Variants in FNDC3B observed in about 807,000 individuals in gnomAD.
FNDC3B encodes fibronectin type III domain-containing protein 3B.
FNDC3B carries 12 observed loss-of-function variants against 151.5 expected under a neutral mutation model. The observed-to-expected ratio is 0.08, with a 90% CI of 0.05 to 0.13. The LOEUF (loss-of-function observed/expected upper bound fraction) is 0.13. FNDC3B is among the 10% of genes least tolerant of loss of function. The pLI is 1.00. For synonymous variants in FNDC3B, 528 were observed against 549.0 expected, an observed-to-expected ratio of 0.96 and a Z score of 0.54; for missense variants, 1,214 against 1,505.3, an observed-to-expected ratio of 0.81 and a Z score of 3.20.
intron 23 of FNDC3B, among the ~76,000 whole-genome samples, chr3:172,376,856 AAAAAAAAAAG>A (rs1001201832): frequency 1.4e-5 from 2 of 141,208 alleles, no homozygotes; most frequent in African/African-American, 5.2e-5. Flanking sequence ...TGTTAAAAAA[AAAAAAAAAAG>A]AAAGAAAAGA....
At chr3:172,065,241 A>C (rs1036606157) in intron 1 of FNDC3B, among the ~76,000 whole-genome samples, 1 of 152,166 alleles carries the variant, frequency 6.6e-6, no homozygotes, top group African/African-American at 2.4e-5. Flanking sequence ...CTGAGGCAGG[A>C]GAATTGCTTG....
At chr3:172,346,072 A>G (rs1008067148) in intron 19 of FNDC3B, 1 of 230,808 alleles carries the variant, frequency 4.3e-6, no homozygotes, top group African/African-American at 2.3e-5. Flanking sequence ...AGAAAGGGAA[A>G]ATATTTTGTC....
chr3:172,105,692 G>A (rs1719612983), intron 1 of FNDC3B, among the ~76,000 whole-genome samples: 2 of 151,434 alleles, frequency 1.3e-5, no homozygotes, highest in South Asian at 2.1e-4. Context: ...AGCTCAAGCA[G>A]TCTGTCTGCC....
At chr3:172,276,284 A>G (rs1439092224) in intron 6 of FNDC3B, among the ~76,000 whole-genome samples, 1 of 152,216 alleles carries the variant, frequency 6.6e-6, no homozygotes, top group Non-Finnish European at 1.5e-5. Flanking sequence ...ACCAGAAGTC[A>G]CAAGGAAGTG....
intron 3 of FNDC3B, among the ~76,000 whole-genome samples, chr3:172,139,759 T>C (rs1214475391): frequency 2.6e-5 from 4 of 151,914 alleles, no homozygotes; most frequent in African/African-American, 9.7e-5. Context: ...TTTCTTTTTT[T>C]TTTTGTTTTT....
At chr3:172,337,426 T>C in intron 16 of FNDC3B, 25 bp downstream of exon 16, 1 of 1,484,248 alleles carries the variant, frequency 6.7e-7, no homozygotes, top group Non-Finnish European at 9.4e-7. Context: ...AATTGTTTTA[T>C]TCAAATCCAA....
At chr3:172,152,146 A>C (rs1243926795) in intron 3 of FNDC3B, among the ~76,000 whole-genome samples, 2 of 152,102 alleles carry the variant, frequency 1.3e-5, no homozygotes, top group Non-Finnish European at 2.9e-5. Context: ...TACCTATATA[A>C]CATTTCGGTT....
At chr3:172,245,237 A>G (rs1444511386) in intron 4 of FNDC3B, among the ~76,000 whole-genome samples, 3 of 152,200 alleles carry the variant, frequency 2.0e-5, no homozygotes, top group Admixed American at 1.3e-4. Flanking sequence ...TTTTCGTTAT[A>G]AATAGTCTTG....
chr3:172,220,417 A>T (rs1269113843), intron 3 of FNDC3B, among the ~76,000 whole-genome samples: 1 of 152,190 alleles, frequency 6.6e-6, no homozygotes, highest in Non-Finnish European at 1.5e-5. Context: ...TATTCTGGAT[A>T]CAAGTCCCTT....
Position 172,397,494 on chromosome 3 carries a change from T to C in FNDC3B, c.*19T>C. 6.8e-7 allele frequency: 1 copy of C among 1,466,960 alleles called. No homozygotes were observed. Among genetic ancestry groups the C allele is most frequent in the South Asian group, 1.2e-5 (1 of 80,358 alleles). The allele number at this position is 1,466,960 out of a possible 1,614,324, so 90.9% of individuals were successfully genotyped here. A position where few individuals can be genotyped will look rare whatever the true frequency, so the allele number is the denominator to read the frequency against. On this transcript the variant is annotated 3_prime_UTR_variant, in exon 26 of 26. Transcript: ENST00000415807. ...GAAGTAAACCCAACAAAACTAGAGG[T>C]ATGAATTAATGCTACACATTTTAAT...
chr3:172,332,802 A>G (rs1271030930), intron 13 of FNDC3B, among the ~76,000 whole-genome samples: 3 of 152,216 alleles, frequency 2.0e-5, no homozygotes, highest in East Asian at 3.8e-4. Flanking sequence ...TCATGACAAC[A>G]TTAAAAATGT....
At chr3:172,155,044 A>C (rs1251846726) in intron 3 of FNDC3B, among the ~76,000 whole-genome samples, 1 of 152,022 alleles carries the variant, frequency 6.6e-6, no homozygotes, top group Non-Finnish European at 1.5e-5. Context: ...TTGGAGATGG[A>C]GGGAAGCTTT....
chr3:172,186,053 A>G (rs952628014), intron 3 of FNDC3B, among the ~76,000 whole-genome samples: 4 of 152,262 alleles, frequency 2.6e-5, no homozygotes, highest in African/African-American at 7.2e-5. Flanking sequence ...GAGAGAGGTT[A>G]GAAGAGGAAG....
chr3:172,083,795 A>T (rs73883703), intron 1 of FNDC3B, among the ~76,000 whole-genome samples: 3,486 of 152,312 alleles, frequency 0.023, 138 homozygotes, highest in African/African-American at 0.08. Flanking sequence ...AAAAAATACT[A>T]AAAGAAATCA....
At chr3:172,322,267 G>A (rs997119733) in intron 11 of FNDC3B, among the ~76,000 whole-genome samples, 1 of 152,216 alleles carries the variant, frequency 6.6e-6, no homozygotes, top group African/African-American at 2.4e-5. Context: ...ACTTTGGACT[G>A]GACCTATCTG....
chr3:172,347,598 C>T (rs1733674421), intron 21 of FNDC3B, among the ~76,000 whole-genome samples: 1 of 152,212 alleles, frequency 6.6e-6, no homozygotes, highest in African/African-American at 2.4e-5. Flanking sequence ...CTGCTTCTCA[C>T]CACCCTTGTA....
At position 172,338,899 on chromosome 3, in the gene FNDC3B, C is replaced by CACCAT. The variant is rs552055040; in HGVS notation, c.1852+1498_1852+1499insACCAT. 5.9e-5 allele frequency among the ~76,000 whole-genome samples: 9 copies of CACCAT among 152,044 alleles called. 1 individual carries two copies. The East Asian group carries it at 1.8e-3, about 30-fold the overall frequency. On this transcript the variant is annotated intron_variant, in intron 16 of 25. Coordinates refer to ENST00000415807, the MANE Select transcript of FNDC3B (RefSeq NM_022763.4). ...CTACAGACGCCCACCACTAGGCCGG[C>CACCAT]TAATTTTTTTTGAATTTTTAGTAGA...
intron 3 of FNDC3B, among the ~76,000 whole-genome samples, chr3:172,158,786 A>G (rs1722628484): frequency 6.6e-6 from 1 of 152,046 alleles, no homozygotes; most frequent in African/African-American, 2.4e-5. Context: ...GAAGTCTATG[A>G]TTAATTGTGA....
chr3:172,186,667 T>A (rs1724201684), intron 3 of FNDC3B: 1 of 680,424 alleles, frequency 1.5e-6, no homozygotes, highest in East Asian at 2.7e-5. Flanking sequence ...AAAATTTGAG[T>A]CCTCATTTAG....
Sources: allele counts gnomAD v4.1 joint callset (sites outside exome capture counted in the v4.1 genomes callset), GRCh38; gene constraint gnomAD v4.1.1; transcripts MANE v1.5; gene names NCBI Gene and HGNC (gene_info 2026-07-23, HGNC 2026-07-21).